The following ESR1 variants were observed in gnomAD, a reference collection of about 807,000 sequenced individuals.
ESR1 encodes the protein estrogen receptor.
Under a neutral mutation model 52.7 loss-of-function variants are expected in ESR1, and 12 were observed. The ratio of observed to expected loss-of-function variants is 0.23; its 90% CI spans 0.15 to 0.37. ESR1 has a LOEUF of 0.37. Ranked by LOEUF, ESR1 falls within the 10% of genes least tolerant of loss-of-function variation. The pLI is 1.00. For synonymous variants in ESR1, 305 were observed against 316.8 expected (o/e 0.96, Z 0.39); for missense variants, 584 against 779.7 (o/e 0.75, Z 2.99).
chr6:151,831,548 C>T (rs1394102580), intron 1 of ESR1, among the ~76,000 whole-genome samples: 2 of 152,070 alleles, frequency 1.3e-5, no homozygotes, highest in Non-Finnish European at 2.9e-5. Flanking sequence ...GGTTGTGAGC[C>T]CTTTGGGTGG....
chr6:152,110,422 A>T (rs2051117849), intron 6 of ESR1, among the ~76,000 whole-genome samples: 1 of 152,232 alleles, frequency 6.6e-6, no homozygotes, highest in African/African-American at 2.4e-5. Flanking sequence ...AAACTAATGC[A>T]GGAACAGAAA....
chr6:152,038,743 G>C (rs994465747), intron 5 of ESR1, among the ~76,000 whole-genome samples: 5 of 152,056 alleles, frequency 3.3e-5, no homozygotes, highest in East Asian at 1.9e-4. Context: ...GCAATTCTCT[G>C]CCTCAGCCTC....
intron 2 of ESR1, among the ~76,000 whole-genome samples, chr6:151,735,285 T>C (rs1171966409): frequency 6.6e-6 from 1 of 152,204 alleles, no homozygotes; most frequent in Admixed American, 6.5e-5. Context: ...CTGCAGATTT[T>C]TGAAGCATTG....
At chr6:151,782,145 G>A (rs1786604175) in intron 2 of ESR1, among the ~76,000 whole-genome samples, 1 of 152,104 alleles carries the variant, frequency 6.6e-6, no homozygotes, top group Non-Finnish European at 1.5e-5. Flanking sequence ...ATTGACTACA[G>A]ATCAATCAAC....
intron 2 of ESR1, among the ~76,000 whole-genome samples, chr6:151,850,010 T>TTATATATATATAATTA (rs1562473880): frequency 2.6e-5 from 2 of 75,980 alleles, no homozygotes; most frequent in South Asian, 4.0e-4. Flanking sequence ...ATATATAATT[T>TTATATATATATAATTA]TGTATATATA....
At chr6:151,836,375 T>C (rs1583564594) in intron 1 of ESR1, among the ~76,000 whole-genome samples, 1 of 152,134 alleles carries the variant, frequency 6.6e-6, no homozygotes, top group East Asian at 1.9e-4. Flanking sequence ...ACGTCTTACA[T>C]GGCAATAGAG....
rs372171578 is a variant in ESR1 at position 151,957,288 on chromosome 6, G to A, written c.1096+12780G>A. Among the ~76,000 whole-genome samples the A allele has an allele frequency of 3.9e-5, 6 of 151,970 alleles. No individual in the cohort carries two copies. In the East Asian group the frequency reaches 1.2e-3, roughly 29 times the overall value. On this transcript the variant is annotated intron_variant, in intron 4 of 7. Coordinates refer to ENST00000206249, the MANE Select transcript of ESR1 (RefSeq NM_000125.4). ...CTATTATCATTGTTGGTGATTTCGA[G>A]GATTTGGATATAATTAATTTGAGCC... is the stretch of plus-strand genomic sequence containing the variant.
At chr6:151,975,394 T>C (rs1291789816) in intron 4 of ESR1, among the ~76,000 whole-genome samples, 2 of 152,150 alleles carry the variant, frequency 1.3e-5, no homozygotes. Flanking sequence ...CTATATCAAT[T>C]TGATGTATTA....
Position 151,726,853 on chromosome 6 carries a change from A to G in ESR1, c.-71+24848A>G, listed in dbSNP as rs550932738. On this transcript the variant is annotated intron_variant, in intron 2 of 2. Coordinates refer to the ESR1 transcript ENST00000404742. ...CTTCCTAGCTCCGTAACTTTATTCT[A>G]TTTTCTTGACCTACTGCATTGACTA... is the stretch of plus-strand genomic sequence containing the variant. 5.3e-5 allele frequency among the ~76,000 whole-genome samples: 8 copies of G among 152,112 alleles called. No individual in the cohort carries two copies. The South Asian group carries it at 1.0e-3, about 20-fold the overall frequency.
chr6:151,906,800 T>G (rs1200748232), intron 3 of ESR1, among the ~76,000 whole-genome samples: 1 of 150,900 alleles, frequency 6.6e-6, no homozygotes, highest in Non-Finnish European at 1.5e-5. Context: ...GTTTGTGCTT[T>G]AAGACCTGTC....
In ESR1 at chr6:152,116,470, T is replaced by C. The variant is rs1288089718; in HGVS notation, c.851-8796T>C. On this transcript the variant is annotated intron_variant, in intron 6 of 6. Coordinates refer to the ESR1 transcript ENST00000427531. ...TAGATCCAATTCTTAAAAATGTATA[T>C]GTTGTTTGCATAAGAAAATCAAAAG... 3.9e-5 allele frequency among the ~76,000 whole-genome samples: 6 copies of C among 152,346 alleles called. No individual in the cohort carries two copies. The East Asian group carries it at 1.2e-3, about 29-fold the overall frequency.
intron 2 of ESR1, among the ~76,000 whole-genome samples, chr6:151,872,722 G>A (rs911457181): frequency 1.3e-5 from 2 of 152,236 alleles, no homozygotes; most frequent in African/African-American, 2.4e-5. Flanking sequence ...TTTGGTTACA[G>A]TAGATAATGT....
intron 2 of ESR1, among the ~76,000 whole-genome samples, chr6:151,703,414 C>T (rs1582945824): frequency 6.6e-6 from 1 of 152,108 alleles, no homozygotes; most frequent in African/African-American, 2.4e-5. Context: ...TTTAGAAGCA[C>T]CCCGCCCCGT....
chr6:152,016,172 T>C (rs1342776165), intron 5 of ESR1, among the ~76,000 whole-genome samples: 1 of 152,160 alleles, frequency 6.6e-6, no homozygotes, highest in Admixed American at 6.6e-5. Context: ...TTGCTCCTCC[T>C]TGCCTTCCGC....
intron 3 of ESR1, among the ~76,000 whole-genome samples, chr6:151,895,221 G>T (rs770380724): frequency 6.6e-6 from 1 of 151,278 alleles, no homozygotes; most frequent in South Asian, 2.1e-4. Context: ...GTATAGCAGA[G>T]CTACTGATTT....
Position 151,910,387 on chromosome 6 carries a change from C to G in ESR1, c.760+29616C>G, listed in dbSNP as rs953695766. On this transcript the variant is annotated intron_variant, in intron 3 of 7. Coordinates refer to ENST00000206249, the MANE Select transcript of ESR1 (RefSeq NM_000125.4). ...AAATTAACAATTATAAATATATGAG[C>G]AGGACAAAGCCCAAATGGGCCTGTA... 2.6e-5 allele frequency among the ~76,000 whole-genome samples: 4 copies of G among 152,256 alleles called. No homozygotes were observed. The East Asian group carries it at 7.7e-4, about 29-fold the overall frequency.
downstream of ESR1, among the ~76,000 whole-genome samples, chr6:152,106,006 G>A (rs2051062518): frequency 6.8e-6 from 1 of 147,786 alleles, no homozygotes; most frequent in African/African-American, 2.5e-5. Context: ...TGTTAGCCAG[G>A]ATGGTCTCGA....
At chr6:151,974,339 T>C (rs901939986) in intron 4 of ESR1, among the ~76,000 whole-genome samples, 2 of 124,742 alleles carry the variant, frequency 1.6e-5, no homozygotes, top group African/African-American at 2.6e-5. Flanking sequence ...AAAGCAAATA[T>C]TGTTATTATC....
chr6:151,822,776 C>CT (rs752884516), intron 1 of ESR1, among the ~76,000 whole-genome samples: 113 of 152,186 alleles, frequency 7.4e-4, no homozygotes, highest in Middle Eastern at 3.4e-3. Context: ...GTTTCTTTTT[C>CT]TTTTTTGTAA....
Sources: allele counts gnomAD v4.1 joint callset (sites outside exome capture counted in the v4.1 genomes callset), GRCh38; gene constraint gnomAD v4.1.1; transcripts MANE v1.5; gene names NCBI Gene and HGNC (gene_info 2026-07-23, HGNC 2026-07-21).